CTNND2: variants seen among roughly 807,000 people sequenced by gnomAD.
CTNND2 encodes catenin delta-2.
CTNND2 carries 22 observed loss-of-function variants against 144.4 expected under a neutral mutation model. The observed-to-expected ratio is 0.15, with a 90% CI of 0.11 to 0.22. CTNND2 has a LOEUF of 0.22. CTNND2 is among the 10% of genes least tolerant of loss of function. The probability of loss-of-function intolerance (pLI) is 1.00; values close to 1 mark genes in which losing one functional copy is unlikely to be tolerated. For synonymous variants in CTNND2, 751 were observed against 695.6 expected (o/e 1.08, Z -1.25); for missense variants, 1,353 against 1,618.8 (o/e 0.84, Z 2.82).
chr5:11,672,849 CT>C (rs1783974455), intron 2 of CTNND2, among the ~76,000 whole-genome samples: 1 of 152,128 alleles, frequency 6.6e-6, no homozygotes, highest in African/African-American at 2.4e-5. Context: ...CTTCCCTTGG[CT>C]AGAGAAGGGA....
chr5:11,290,712 C>T (rs181084455), intron 9 of CTNND2, among the ~76,000 whole-genome samples: 48 of 152,276 alleles, frequency 3.2e-4, no homozygotes, highest in Admixed American at 3.0e-3. Flanking sequence ...TAAATGATCT[C>T]TGAAGTCAAC....
chr5:11,562,870 A>C (rs1436288732), intron 3 of CTNND2, among the ~76,000 whole-genome samples: 1 of 152,254 alleles, frequency 6.6e-6, no homozygotes, highest in African/African-American at 2.4e-5. Context: ...TGAATGCAAC[A>C]TACATGAAAC....
intron 2 of CTNND2, among the ~76,000 whole-genome samples, chr5:11,633,631 C>T (rs1170834400): frequency 6.6e-6 from 1 of 151,952 alleles, no homozygotes; most frequent in South Asian, 2.1e-4. Flanking sequence ...CAAAAATTAG[C>T]CAGGCATAGT....
At chr5:11,252,584 T>C (rs1027762097) in intron 9 of CTNND2, among the ~76,000 whole-genome samples, 5 of 152,236 alleles carry the variant, frequency 3.3e-5, no homozygotes, top group African/African-American at 9.6e-5. Flanking sequence ...TTAATGTTCA[T>C]CACATTCCCA....
chr5:11,844,599 G>A (rs1794644722), intron 1 of CTNND2, among the ~76,000 whole-genome samples: 1 of 152,004 alleles, frequency 6.6e-6, no homozygotes, highest in Admixed American at 6.6e-5. Flanking sequence ...AAGTAACACA[G>A]AAGTTCTGGC....
intron 1 of CTNND2, among the ~76,000 whole-genome samples, chr5:11,815,111 T>A (rs965293119): frequency 6.6e-6 from 1 of 152,110 alleles, no homozygotes; most frequent in African/African-American, 2.4e-5. Flanking sequence ...CAGAAGTTCA[T>A]TAAGAGACAA....
intron 2 of CTNND2, among the ~76,000 whole-genome samples, chr5:11,585,308 A>T (rs1778760462): frequency 6.6e-6 from 1 of 152,190 alleles, no homozygotes; most frequent in South Asian, 2.1e-4. Context: ...CCTACTTAAG[A>T]GAGAATACGG....
intron 9 of CTNND2, among the ~76,000 whole-genome samples, chr5:11,253,374 A>C (rs772104219): frequency 2.4e-4 from 37 of 152,158 alleles, no homozygotes; most frequent in Non-Finnish European, 4.7e-4. Flanking sequence ...CATAATTCCC[A>C]AGTTTGTGGG....
At chr5:11,387,789 A>G (rs1759239531) in intron 6 of CTNND2, among the ~76,000 whole-genome samples, 1 of 152,248 alleles carries the variant, frequency 6.6e-6, no homozygotes, top group South Asian at 2.1e-4. Flanking sequence ...CAAATAGCAT[A>G]ATTTTTAATA....
At position 11,564,722 on chromosome 5, in the gene CTNND2, T is replaced by A. The variant is rs61763040; in HGVS notation, c.287+222A>T. Among the ~76,000 whole-genome samples, 33 of 152,330 alleles carry A rather than the reference T, an allele frequency of 2.2e-4. No individual in the cohort carries two copies. In the East Asian group the frequency reaches 5.0e-3, roughly 23 times the overall value. ...TTCCTTTGTGTAAAATTACGTATAA[T>A]TTGCATTCAGGGCAGGCATTAATTT... On this transcript the variant is annotated intron_variant, in intron 3 of 21. Coordinates refer to ENST00000304623, the MANE Select transcript of CTNND2 (RefSeq NM_001332.4).
rs140915213 is a variant in CTNND2, at chr5:11,540,500, T to C, written c.287+24444A>G. Among the ~76,000 whole-genome samples the C allele has an allele frequency of 2.4e-3, 363 of 152,286 alleles. 1 individual carries two copies. The highest frequency in any genetic ancestry group is 4.3e-3 in the Non-Finnish European group (292 of 68,010). On this transcript the variant is annotated intron_variant, in intron 3 of 21. Coordinates refer to ENST00000304623, the MANE Select transcript of CTNND2 (RefSeq NM_001332.4). ...ACGACACAGACTTAAGGTCATACTG[T>C]TCATGCTGCAATCTTTTGTTTGTTT...
At chr5:11,485,397 A>G (rs1768726746) in intron 3 of CTNND2, among the ~76,000 whole-genome samples, 1 of 144,368 alleles carries the variant, frequency 6.9e-6, no homozygotes. Flanking sequence ...GTGCGCGCGC[A>G]CATTCAATGC....
In CTNND2 at chr5:11,287,254, AC is replaced by A. The variant is rs201136298; in HGVS notation, c.1629-50432del. On this transcript the variant is annotated intron_variant, in intron 9 of 21. Coordinates refer to ENST00000304623, the MANE Select transcript of CTNND2 (RefSeq NM_001332.4). ...CAGTCAACTTTAAGTAAGGCAGATA[AC>A]CCAAAATGCGCATGGGCCTCATCCA... Among the ~76,000 whole-genome samples, 1,027 of 152,288 alleles carry A rather than the reference AC, an allele frequency of 6.7e-3. 29 individuals are homozygous for A. The highest frequency in any genetic ancestry group is 0.044 in the Admixed American group (674 of 15,282).
chr5:11,216,874 T>C (rs1739255587), intron 10 of CTNND2, among the ~76,000 whole-genome samples: 2 of 152,080 alleles, frequency 1.3e-5, no homozygotes, highest in South Asian at 4.2e-4. Context: ...CTCCAGGAGG[T>C]TGTAACCAAT....
At chr5:11,549,795 T>C (rs1346389442) in intron 3 of CTNND2, among the ~76,000 whole-genome samples, 1 of 152,190 alleles carries the variant, frequency 6.6e-6, no homozygotes, top group African/African-American at 2.4e-5. Context: ...TATTTTCATG[T>C]ATCACAGCTA....
intron 12 of CTNND2, among the ~76,000 whole-genome samples, chr5:11,148,647 GCTGT>G (rs1457143407): frequency 1.3e-5 from 2 of 152,218 alleles, no homozygotes; most frequent in African/African-American, 2.4e-5. Flanking sequence ...GTGCTTTGGT[GCTGT>G]CTTTCTGGGC....
intron 1 of CTNND2, among the ~76,000 whole-genome samples, chr5:11,832,772 C>A (rs909274497): frequency 6.6e-6 from 1 of 152,118 alleles, no homozygotes; most frequent in Non-Finnish European, 1.5e-5. Context: ...GAAACCTTAT[C>A]TCTACAAAAA....
At chr5:11,400,919 C>T (rs968264555) in intron 5 of CTNND2, among the ~76,000 whole-genome samples, 5 of 152,188 alleles carry the variant, frequency 3.3e-5, no homozygotes, top group Admixed American at 2.0e-4. Context: ...AATATCAAAA[C>T]ACTGTTTCTT....
chr5:11,834,447 T>C (rs1238779462), intron 1 of CTNND2, among the ~76,000 whole-genome samples: 2 of 152,140 alleles, frequency 1.3e-5, no homozygotes, highest in Admixed American at 6.5e-5. Context: ...CACCAAAAAA[T>C]GGTAAGTATG....
Sources: allele counts gnomAD v4.1 joint callset (sites outside exome capture counted in the v4.1 genomes callset), GRCh38; gene constraint gnomAD v4.1.1; transcripts MANE v1.5; gene names NCBI Gene and HGNC (gene_info 2026-07-23, HGNC 2026-07-21).